Variants in GREM2 observed in about 807,000 individuals in gnomAD.
The protein encoded by GREM2 is gremlin-2.
In GREM2, 11 loss-of-function variants were observed where a neutral mutation model predicts 14.2. The observed-to-expected ratio is 0.78, with a 90% CI of 0.49 to 1.28. GREM2 has a LOEUF of 1.28. Among genes scored for constraint, GREM2 ranks in the 50% most tolerant of loss-of-function variants. GREM2 has a pLI of 0.00. For missense variants in GREM2, 210 were observed against 218.5 expected, an observed-to-expected ratio of 0.96 and a Z score of 0.24; for synonymous variants, 98 against 97.6, an observed-to-expected ratio of 1.00 and a Z score of -0.02.
intron 1 of GREM2, among the ~76,000 whole-genome samples, chr1:240,536,143 A>T (rs987879261): frequency 2.6e-5 from 4 of 152,158 alleles, no homozygotes; most frequent in African/African-American, 9.7e-5. Flanking sequence ...AAAAGCCCTC[A>T]ATTATGGCAG....
At chr1:240,588,869 T>A (rs1679651049) in intron 1 of GREM2, 1 of 152,138 alleles carries the variant, frequency 6.6e-6, no homozygotes, top group South Asian at 2.1e-4. Flanking sequence ...CCCAGAACTT[T>A]GGGTGGCTAA....
intron 1 of GREM2, among the ~76,000 whole-genome samples, chr1:240,557,246 G>T (rs1310130465): frequency 6.6e-6 from 1 of 151,646 alleles, no homozygotes; most frequent in African/African-American, 2.4e-5. Context: ...CGAATCACGG[G>T]AAGAGAGACC....
intron 1 of GREM2, among the ~76,000 whole-genome samples, chr1:240,534,539 A>C (rs1678433045): frequency 6.6e-6 from 1 of 151,976 alleles, no homozygotes; most frequent in African/African-American, 2.4e-5. Flanking sequence ...AATACAAAAA[A>C]AAATTAGCTG....
At chr1:240,584,215 C>T (rs1679545296) in intron 1 of GREM2, among the ~76,000 whole-genome samples, 1 of 152,020 alleles carries the variant, frequency 6.6e-6, no homozygotes, top group Non-Finnish European at 1.5e-5. Context: ...TTTAAAATGG[C>T]CGGGCGCAGT....
chr1:240,512,089 T>C (rs548566951), intron 1 of GREM2, among the ~76,000 whole-genome samples: 1 of 152,322 alleles, frequency 6.6e-6, no homozygotes, highest in Admixed American at 6.5e-5. Context: ...CTTGGGCAAA[T>C]GGTTTTTAAG....
intron 1 of GREM2, among the ~76,000 whole-genome samples, chr1:240,496,796 T>C (rs9725629): frequency 6.6e-6 from 1 of 151,850 alleles, no homozygotes; most frequent in Non-Finnish European, 1.5e-5. Flanking sequence ...GATCCCCTGA[T>C]GTCAGGAGTT....
intron 1 of GREM2, among the ~76,000 whole-genome samples, chr1:240,515,553 C>G (rs556178718): frequency 6.6e-6 from 1 of 151,224 alleles, no homozygotes; most frequent in South Asian, 2.1e-4. Flanking sequence ...TTTCCTTTCT[C>G]TCTCTGGGAG....
At chr1:240,524,968 A>G (rs1355787555) in intron 1 of GREM2, among the ~76,000 whole-genome samples, 1 of 152,120 alleles carries the variant, frequency 6.6e-6, no homozygotes, top group Non-Finnish European at 1.5e-5. Flanking sequence ...TGTCCCAGCT[A>G]CTGAGACACC....
intron 1 of GREM2, among the ~76,000 whole-genome samples, chr1:240,563,044 GTGTA>G (rs971670401): frequency 4.9e-4 from 73 of 149,518 alleles, no homozygotes; most frequent in Non-Finnish European, 8.9e-4. Flanking sequence ...GTGTGTATGT[GTGTA>G]TGTGTATAGT....
In GREM2 at chr1:240,492,906, GGCGGCGGCGGCGCCACCCA is replaced by G; in HGVS notation, c.*44_*62del. The G allele has an allele frequency of 7.5e-7, 1 of 1,326,408 alleles. No individual in the cohort carries two copies. The highest frequency in any genetic ancestry group is 9.7e-7 in the Non-Finnish European group (1 of 1,034,788). The allele number at this position is 1,326,408 out of a possible 1,614,324, so 82.2% of individuals were successfully genotyped here. ...AGTGGGCTCGGAGGGCAGGGACAGAGGCGGCGGCGGCGCCACCCAGCGGCCGGGCGCGCGCGGGGCTGAG... is the reference window on the plus strand; with the variant it reads ...AGTGGGCTCGGAGGGCAGGGACAGAGGCGGCCGGGCGCGCGCGGGGCTGAG... On this transcript the variant is annotated 3_prime_UTR_variant, in exon 2 of 2. Coordinates refer to ENST00000318160, the MANE Select transcript of GREM2 (RefSeq NM_022469.4).
At chr1:240,514,662 G>C (rs139316939) in intron 1 of GREM2, among the ~76,000 whole-genome samples, 1 of 152,190 alleles carries the variant, frequency 6.6e-6, no homozygotes, top group Non-Finnish European at 1.5e-5. Flanking sequence ...ACTTCAAGAC[G>C]CCAAGGCAGG....
chr1:240,500,498 T>A (rs141507889), intron 1 of GREM2, among the ~76,000 whole-genome samples: 4,270 of 142,494 alleles, frequency 0.03, 95 homozygotes, highest in African/African-American at 0.052. Context: ...AGAGACAAGG[T>A]TTCACCGTGT....
intron 1 of GREM2, among the ~76,000 whole-genome samples, chr1:240,512,280 T>G (rs1012939149): frequency 1.3e-5 from 2 of 152,188 alleles, no homozygotes; most frequent in Non-Finnish European, 2.9e-5. Context: ...AATAGTGTGT[T>G]AAATAAATAT....
chr1:240,582,209 G>A (rs879255887), intron 1 of GREM2, among the ~76,000 whole-genome samples: 16 of 152,100 alleles, frequency 1.1e-4, no homozygotes, highest in East Asian at 5.8e-4. Context: ...AGGCCAAGGC[G>A]GGTGGATCAC....
At chr1:240,605,333 C>T (rs1211367271) in intron 1 of GREM2, among the ~76,000 whole-genome samples, 1 of 152,024 alleles carries the variant, frequency 6.6e-6, no homozygotes, top group Non-Finnish European at 1.5e-5. Flanking sequence ...AAAAATTAGC[C>T]AGGCATGGTG....
At chr1:240,546,858 G>T (rs1017766332) in intron 1 of GREM2, among the ~76,000 whole-genome samples, 4 of 148,994 alleles carry the variant, frequency 2.7e-5, no homozygotes, top group African/African-American at 1.0e-4. Flanking sequence ...CGTTCTTCAA[G>T]GGCTTATCAC....
Position 240,608,961 on chromosome 1 carries a change from C to T in GREM2, c.-2+2923G>A, listed in dbSNP as rs572594718. ...CTGTATAGACAGGAGTGTTACAGTA[C>T]ATCAAATGCATTTATTTTCCCCCCA... On this transcript the variant is annotated intron_variant, in intron 1 of 1. Coordinates refer to ENST00000318160, the MANE Select transcript of GREM2 (RefSeq NM_022469.4). Among the ~76,000 whole-genome samples the T allele has an allele frequency of 7.9e-5, 12 of 152,234 alleles. No individual in the cohort carries two copies. The South Asian group carries it at 2.3e-3, about 29-fold the overall frequency.
rs1167056450 is a variant in GREM2, at chr1:240,542,577, T to C, written c.-1-49101A>G. Among the ~76,000 whole-genome samples the C allele has an allele frequency of 6.6e-6, 1 of 151,980 alleles. No individual in the cohort carries two copies. The highest frequency in any genetic ancestry group is 6.6e-5 in the Admixed American group (1 of 15,232). ...TTGCAGTGAGCCAAGATTGTGCCCC[T>C]GCACTCCAGCCTAGTGACAGAGCGA... is the stretch of plus-strand genomic sequence containing the variant. On this transcript the variant is annotated intron_variant, in intron 1 of 1. Coordinates refer to ENST00000318160, the MANE Select transcript of GREM2 (RefSeq NM_022469.4). The surrounding 1 kb of genome is among the most constrained non-coding windows in gnomAD (Gnocchi z 4.1).
intron 1 of GREM2, among the ~76,000 whole-genome samples, chr1:240,601,688 C>T (rs1679928035): frequency 6.6e-6 from 1 of 152,152 alleles, no homozygotes; most frequent in Non-Finnish European, 1.5e-5. Context: ...GGGCATCTCT[C>T]CTGAGGTCAG....
Sources: gnomAD v4.1 joint callset for allele counts (sites outside exome capture counted in the v4.1 genomes callset) on GRCh38, gnomAD v4.1.1 for gene constraint, Gnocchi (gnomAD v3.1) non-coding constraint, MANE v1.5 for transcripts, NCBI Gene and HGNC (gene_info 2026-07-23, HGNC 2026-07-21) for gene names.